HABP2: variants seen among roughly 807,000 people sequenced by gnomAD.
The protein encoded by HABP2 is hyaluronan binding protein 2, also known as factor VII-activating protease.
Under a neutral mutation model 66.5 loss-of-function variants are expected in HABP2, and 65 were observed. The ratio of observed to expected loss-of-function variants is 0.98; its 90% CI spans 0.80 to 1.20. The LOEUF (loss-of-function observed/expected upper bound fraction) is 1.20. Ranked by LOEUF, HABP2 falls within the 50% of genes most tolerant of loss-of-function variation. The probability of loss-of-function intolerance (pLI) is 0.00; values close to 1 mark genes in which losing one functional copy is unlikely to be tolerated. For synonymous variants in HABP2, 263 were observed against 253.9 expected (o/e 1.04, Z -0.34); for missense variants, 786 against 691.0 (o/e 1.14, Z -1.54).
At chr10:113,562,879 G>A (rs541926547) in intron 1 of HABP2, among the ~76,000 whole-genome samples, 19 of 152,264 alleles carry the variant, frequency 1.2e-4, no homozygotes, top group Non-Finnish European at 2.2e-4. Context: ...CTGTGTACAC[G>A]TGGCAGCTTC....
intron 8 of HABP2, among the ~76,000 whole-genome samples, chr10:113,581,631 C>T (rs899506279): frequency 6.6e-6 from 1 of 152,222 alleles, no homozygotes; most frequent in Non-Finnish European, 1.5e-5. Context: ...TTAGGAGTCA[C>T]ATACTTTGAA....
In HABP2 at chr10:113,589,376, G is replaced by A. The variant is rs1845796011; in HGVS notation, c.*1007G>A. 1.8e-6 allele frequency: 1 copy of A among 570,218 alleles called. No homozygotes were observed. The highest frequency in any genetic ancestry group is 3.2e-5 in the Admixed American group (1 of 31,088). 35.3% of individuals were successfully genotyped at this position (570,218 alleles called of 1,614,324 possible). A position where few individuals can be genotyped will look rare whatever the true frequency, so the allele number is the denominator to read the frequency against. On this transcript the variant is annotated 3_prime_UTR_variant, in exon 13 of 13. Coordinates refer to ENST00000351270, the MANE Select transcript of HABP2 (RefSeq NM_004132.5). The stretch of plus-strand genomic sequence containing the variant: ...TTTCTGCGAATGTAACGAGCAAGCA[G>A]TCAGCACAGCCTGGGCTGCCCTGGC...
intron 2 of HABP2, chr10:113,572,595 G>T: frequency 2.5e-6 from 1 of 403,892 alleles, no homozygotes; most frequent in Non-Finnish European, 5.0e-6. Flanking sequence ...AATCTTTCAT[G>T]TCAAACTCAG....
intron 1 of HABP2, 130 bp from the exon 2 acceptor site, chr10:113,567,359 C>G (rs1845217863): frequency 5.5e-6 from 4 of 726,562 alleles, no homozygotes; most frequent in Non-Finnish European, 9.9e-6. Context: ...CAACCTCTAG[C>G]CCAGCCACAA....
At chr10:113,551,897 G>A (rs1187636242), upstream of HABP2, among the ~76,000 whole-genome samples, 4 of 152,024 alleles carry the variant, frequency 2.6e-5, no homozygotes, top group Admixed American at 6.6e-5. Context: ...TGGTATAGGA[G>A]GCGGGGTGGG....
rs549582971 is a variant in HABP2 at position 113,573,302 on chromosome 10, G to GT, written c.107-979dup. Among the ~76,000 whole-genome samples the GT allele has an allele frequency of 6.0e-4, 91 of 152,148 alleles. No homozygotes were observed. In the South Asian group the frequency reaches 0.013, roughly 22 times the overall value. ...AGTCCAGCCAACCTTACACATACCT[G>GT]TTTTTTTTCCCAATGACCAGTCTAG... On this transcript the variant is annotated intron_variant, in intron 2 of 12. Transcript: ENST00000351270.
rs10787492 is a variant in HABP2, at chr10:113,585,532, C to T, written c.1373-261C>T. ...AAATGGTTAAGAGAGCATCTATTTC[C>T]TCCTGAACCTCATGGCCTACCTGGG... On this transcript the variant is annotated intron_variant, in intron 11 of 12. Coordinates refer to ENST00000351270, the MANE Select transcript of HABP2 (RefSeq NM_004132.5). 0.07 allele frequency among the ~76,000 whole-genome samples: 10,614 copies of T among 152,194 alleles called. 512 individuals carry two copies. Among genetic ancestry groups the T allele is most frequent in the Non-Finnish European group, 0.099 (6,709 of 68,012 alleles).
At chr10:113,554,568 C>T (rs980371036) in intron 1 of HABP2, among the ~76,000 whole-genome samples, 1 of 152,118 alleles carries the variant, frequency 6.6e-6, no homozygotes, top group Admixed American at 6.5e-5. Flanking sequence ...TGTCAAGCCC[C>T]TACATCATTT....
chr10:113,586,476 G>GTGTGT lies in HABP2; in HGVS notation c.1518+538_1518+539insTGTGT, dbSNP rs58122719. Among the ~76,000 whole-genome samples the GTGTGT allele has an allele frequency of 2.0e-3, 172 of 86,680 alleles. 4 individuals carry two copies. Among genetic ancestry groups the GTGTGT allele is most frequent in the South Asian group, 3.2e-3 (7 of 2,164 alleles). The allele number at this position is 86,680 out of a possible 152,430, so 56.9% of individuals were successfully genotyped here. On this transcript the variant is annotated intron_variant, in intron 12 of 12. Transcript: ENST00000351270. ...CTCATGTGTGCGTGTGTGTGTGTGT[G>GTGTGT]GGGGGGGGGGGGGTGTTTTAGCCCT...
chr10:113,575,862 C>G lies in HABP2; in HGVS notation c.224-35C>G. ...AGGGGGGCGCTTCTCACCTGCCTTTCCTTACCAACATTGCCTTCTTCCTGT... is the reference window on the plus strand; with the variant it reads ...AGGGGGGCGCTTCTCACCTGCCTTTGCTTACCAACATTGCCTTCTTCCTGT... On this transcript the variant is annotated intron_variant, in intron 3 of 12. Coordinates refer to ENST00000351270, the MANE Select transcript of HABP2 (RefSeq NM_004132.5). 6 of 1,267,168 alleles carry G rather than the reference C, an allele frequency of 4.7e-6. 1 individual carries two copies. The highest frequency in any genetic ancestry group is 6.9e-6 in the Non-Finnish European group (6 of 872,410). The allele number at this position is 1,267,168 out of a possible 1,614,324, so 78.5% of individuals were successfully genotyped here. A position where few individuals can be genotyped will look rare whatever the true frequency, so the allele number is the denominator to read the frequency against.
chr10:113,569,293 G>A (rs1344283171), intron 2 of HABP2, among the ~76,000 whole-genome samples: 3 of 152,220 alleles, frequency 2.0e-5, no homozygotes, highest in Non-Finnish European at 4.4e-5. Flanking sequence ...GGGATCCAGA[G>A]TCCATCTCGA....
At chr10:113,581,580 T>C (rs1762092018) in intron 8 of HABP2, among the ~76,000 whole-genome samples, 4 of 152,278 alleles carry the variant, frequency 2.6e-5, no homozygotes, top group Admixed American at 1.3e-4. Flanking sequence ...GAGGGATTTG[T>C]ATATTTACAT....
chr10:113,579,243 GTCTCAAAAAAA>G (rs1370342565), intron 7 of HABP2, among the ~76,000 whole-genome samples: 1 of 149,900 alleles, frequency 6.7e-6, no homozygotes, highest in Non-Finnish European at 1.5e-5. Context: ...GTGAGACCCT[GTCTCAAAAAAA>G]GAAAAAAAAA....
chr10:113,560,369 A>T (rs1333466863), intron 1 of HABP2, among the ~76,000 whole-genome samples: 1 of 152,228 alleles, frequency 6.6e-6, no homozygotes, highest in Admixed American at 6.5e-5. Context: ...ATGGGGAATA[A>T]CAAGTGTGGG....
intron 2 of HABP2, among the ~76,000 whole-genome samples, chr10:113,574,045 A>G (rs1022676772): frequency 6.6e-6 from 1 of 152,126 alleles, no homozygotes; most frequent in Non-Finnish European, 1.5e-5. Flanking sequence ...TTCACTTCCA[A>G]TCAGGTGCTC....
intron 2 of HABP2, among the ~76,000 whole-genome samples, chr10:113,568,625 G>A (rs538124384): frequency 3.9e-5 from 6 of 152,300 alleles, no homozygotes; most frequent in African/African-American, 1.2e-4. Flanking sequence ...CTGAAGGCGC[G>A]TATTTCAGAG....
intron 2 of HABP2, chr10:113,572,621 C>T (rs1241533966): frequency 2.9e-5 from 12 of 411,134 alleles, no homozygotes; most frequent in Admixed American, 1.5e-4. Context: ...CATTTTTTTC[C>T]TCATTTTCTC....
chr10:113,589,085 G>A lies in HABP2; in HGVS notation c.*716G>A. ...TCCACTGCTTCTGCCCCCCGCTGCT[G>A]AAATCAAACATACCCCAAGTTAAAA... On this transcript the variant is annotated 3_prime_UTR_variant, in exon 13 of 13. Coordinates refer to ENST00000351270, the MANE Select transcript of HABP2 (RefSeq NM_004132.5). The A allele has an allele frequency of 6.2e-6, 10 of 1,612,190 alleles. No individual in the cohort carries two copies. Among genetic ancestry groups the A allele is most frequent in the Non-Finnish European group, 7.6e-6 (9 of 1,178,712 alleles).
Position 113,589,176 on chromosome 10 carries a change from A to G in HABP2, c.*807A>G. 2.1e-6 allele frequency: 2 copies of G among 936,778 alleles called. No homozygotes were observed. Among genetic ancestry groups the G allele is most frequent in the African/African-American group, 1.6e-5 (1 of 61,298 alleles). The allele number at this position is 936,778 out of a possible 1,614,324, so 58.0% of individuals were successfully genotyped here. ...GGACACGCTAAGAAGCACAGGGAGC[A>G]TTTAACAGGCTCACCCTCCCTTTCC... On this transcript the variant is annotated 3_prime_UTR_variant, in exon 13 of 13. Transcript: ENST00000351270.
Sources: allele counts gnomAD v4.1 joint callset (sites outside exome capture counted in the v4.1 genomes callset), GRCh38; gene constraint gnomAD v4.1.1; transcripts MANE v1.5; gene names NCBI Gene and HGNC (gene_info 2026-07-23, HGNC 2026-07-21).